EYS: variants seen among roughly 807,000 people sequenced by gnomAD.
EYS encodes the protein protein eyes shut homolog.
A neutral mutation model predicts 282.1 loss-of-function variants in EYS; 250 were observed. The ratio of observed to expected loss-of-function variants is 0.89; its 90% CI spans 0.80 to 0.98. EYS has a LOEUF of 0.98. Among genes scored for constraint, EYS ranks in the 50% least tolerant of loss-of-function variants. The pLI, the probability that EYS is intolerant of heterozygous loss-of-function variation, is 0.00. For synonymous variants in EYS, 1,355 were observed against 1,282.9 expected (o/e 1.06, Z -1.20); for missense variants, 4,016 against 3,709.0 (o/e 1.08, Z -2.15).
At chr6:65,315,248 A>G (rs904511126) in intron 11 of EYS, among the ~76,000 whole-genome samples, 1 of 152,078 alleles carries the variant, frequency 6.6e-6, no homozygotes, top group Non-Finnish European at 1.5e-5. Flanking sequence ...TTTTCTCTCA[A>G]ATACCATGAT....
At chr6:63,763,997 CCCTTTCTT>C (rs1304346145) in intron 40 of EYS, among the ~76,000 whole-genome samples, 11 of 150,894 alleles carry the variant, frequency 7.3e-5, no homozygotes, top group African/African-American at 2.4e-5. Flanking sequence ...CTCCCTTTCT[CCCTTTCTT>C]CCTTCCCTTT....
intron 28 of EYS, among the ~76,000 whole-genome samples, chr6:64,392,337 T>C (rs1482221297): frequency 2.8e-3 from 408 of 145,940 alleles, no homozygotes; most frequent in African/African-American, 0.011. Flanking sequence ...TTTTCCAGCA[T>C]CACACCACAC....
At chr6:64,833,329 G>T (rs1195381995) in intron 19 of EYS, among the ~76,000 whole-genome samples, 1 of 151,840 alleles carries the variant, frequency 6.6e-6, no homozygotes, top group African/African-American at 2.4e-5. Context: ...TTTTAATTAT[G>T]CTTAAAATGT....
At chr6:63,907,584 T>C (rs541915272) in intron 35 of EYS, among the ~76,000 whole-genome samples, 5 of 152,254 alleles carry the variant, frequency 3.3e-5, no homozygotes, top group Admixed American at 2.6e-4. Context: ...TTTTAAACTA[T>C]CTCCTCTTAG....
chr6:65,530,524 C>G (rs1767727268), intron 2 of EYS, among the ~76,000 whole-genome samples: 1 of 152,148 alleles, frequency 6.6e-6, no homozygotes, highest in Non-Finnish European at 1.5e-5. Context: ...TGGTGGACCC[C>G]TGGCTTAAAT....
At chr6:64,318,969 T>G (rs1317209005) in intron 29 of EYS, among the ~76,000 whole-genome samples, 1 of 151,964 alleles carries the variant, frequency 6.6e-6, no homozygotes, top group Non-Finnish European at 1.5e-5. Context: ...ATTGCTGACT[T>G]ATAGTCACCC....
chr6:64,137,223 T>A (rs1447434988), intron 31 of EYS, among the ~76,000 whole-genome samples: 1 of 151,268 alleles, frequency 6.6e-6, no homozygotes, highest in East Asian at 1.9e-4. Context: ...TTGAAGAGAG[T>A]TAGGCGTTGC....
chr6:64,252,922 T>C (rs1034514919), intron 30 of EYS, among the ~76,000 whole-genome samples: 1 of 152,184 alleles, frequency 6.6e-6, no homozygotes, highest in African/African-American at 2.4e-5. Context: ...CATTGTATTC[T>C]GTGTGCCCAA....
chr6:64,746,227 C>T (rs553800565), intron 22 of EYS, among the ~76,000 whole-genome samples: 4 of 151,900 alleles, frequency 2.6e-5, no homozygotes, highest in East Asian at 3.9e-4. Flanking sequence ...GACTATTAAG[C>T]GATGTTTAGG....
intron 2 of EYS, among the ~76,000 whole-genome samples, chr6:65,521,922 T>C (rs1239440055): frequency 6.6e-6 from 1 of 152,180 alleles, no homozygotes; most frequent in Non-Finnish European, 1.5e-5. Context: ...TAGTCAACAA[T>C]GTAAGTGAAT....
At chr6:64,767,086 A>G (rs1773375601) in intron 22 of EYS, among the ~76,000 whole-genome samples, 2 of 148,524 alleles carry the variant, frequency 1.3e-5, no homozygotes, top group South Asian at 2.1e-4. Flanking sequence ...TCTACAATCA[A>G]ATAAAGGTAA....
intron 12 of EYS, among the ~76,000 whole-genome samples, chr6:65,256,148 CTG>C (rs1192389593): frequency 4.6e-5 from 7 of 151,856 alleles, no homozygotes; most frequent in South Asian, 2.1e-4. Context: ...CATATACACA[CTG>C]AAGTACTATT....
chr6:64,766,649 A>AAAAAAAATATATAT (rs1387919586), intron 22 of EYS, among the ~76,000 whole-genome samples: 1 of 19,068 alleles, frequency 5.2e-5, no homozygotes, highest in African/African-American at 1.8e-4. Flanking sequence ...AAAAAAAAAA[A>AAAAAAAATATATAT]ATATATATAT....
intron 35 of EYS, among the ~76,000 whole-genome samples, chr6:63,965,679 T>C (rs566512264): frequency 2.6e-5 from 4 of 152,322 alleles, no homozygotes; most frequent in Non-Finnish European, 4.4e-5. Context: ...ATGGTGGCTG[T>C]GTCAGCTGGG....
intron 36 of EYS, among the ~76,000 whole-genome samples, chr6:63,856,166 G>A (rs56008921): frequency 0.12 from 18,592 of 151,900 alleles, 1,385 homozygotes; most frequent in African/African-American, 0.2. Flanking sequence ...TTGATATGAA[G>A]CAATGACTCT....
intron 12 of EYS, among the ~76,000 whole-genome samples, chr6:65,260,766 A>G (rs1447498355): frequency 6.6e-6 from 1 of 152,068 alleles, no homozygotes; most frequent in Non-Finnish European, 1.5e-5. Context: ...TTTAAGAACA[A>G]TGGGTAAAAA....
chr6:64,209,246 T>C, intron 31 of EYS, among the ~76,000 whole-genome samples: 1 of 152,108 alleles, frequency 6.6e-6, no homozygotes, highest in East Asian at 1.9e-4. Flanking sequence ...CACTCTATAA[T>C]ACATATTTTT....
At chr6:65,296,814 T>G (rs988287903) in intron 11 of EYS, among the ~76,000 whole-genome samples, 40 of 151,828 alleles carry the variant, frequency 2.6e-4, no homozygotes, top group African/African-American at 9.2e-4. Flanking sequence ...TTACATAGTT[T>G]TCTTGTAAGT....
chr6:64,490,657 T>C (rs977800943), intron 26 of EYS, among the ~76,000 whole-genome samples: 1 of 150,752 alleles, frequency 6.6e-6, no homozygotes, highest in Non-Finnish European at 1.5e-5. Context: ...CAATAAAATG[T>C]GTAGTATTAC....
Sources: allele counts gnomAD v4.1 joint callset (sites outside exome capture counted in the v4.1 genomes callset), GRCh38; gene constraint gnomAD v4.1.1; transcripts MANE v1.5; gene names NCBI Gene and HGNC (gene_info 2026-07-23, HGNC 2026-07-21).